The following PCNX4 variants were observed in gnomAD, a reference collection of about 807,000 sequenced individuals.
The protein encoded by PCNX4 is pecanex-like protein 4.
Under a neutral mutation model 107.2 loss-of-function variants are expected in PCNX4, and 103 were observed. The observed-to-expected ratio is 0.96, with a 90% confidence interval of 0.82 to 1.13. The LOEUF (loss-of-function observed/expected upper bound fraction) is 1.13, where lower values mean the gene tolerates loss of function less well. PCNX4 is among the 50% of genes most tolerant of loss of function. The probability of loss-of-function intolerance (pLI) is 0.00; values close to 1 mark genes in which losing one functional copy is unlikely to be tolerated. For synonymous variants in PCNX4, 541 were observed against 481.7 expected (o/e 1.12, Z -1.61); for missense variants, 1,528 against 1,379.4 (o/e 1.11, Z -1.71).
Position 60,115,068 on chromosome 14 carries a change from G to T in PCNX4, c.964G>T (p.Gly322Cys). ...TGTGGTTCTTTTCATGACTGGATTT[G>T]GTTTCTTGCTGAGTCTGAACTTAAG... is the stretch of plus-strand genomic sequence containing the variant. ...VGVVLFMTGF[G>C]FLLSLNLSDM... Residue 322 changes from glycine to cysteine, a missense_variant, in exon 4 of 11, where the codon GGT (glycine) becomes TGT (cysteine). Transcript: ENST00000406854. The T allele has an allele frequency of 6.2e-7, 1 of 1,613,446 alleles. No individual in the cohort carries two copies. The highest frequency in any genetic ancestry group is 8.5e-7 in the Non-Finnish European group (1 of 1,179,794).
In PCNX4 at chr14:60,125,059, A is replaced by G. The variant is rs1252490443; in HGVS notation, c.2888A>G (p.Lys963Arg). 1 of 1,613,642 alleles carries G rather than the reference A, an allele frequency of 6.2e-7. No individual in the cohort carries two copies. ...TCAAATGTACTGGAAGAAATTGCCA[A>G]GGACAAAGTTTTAAAAGACTTTTAT... is the stretch of plus-strand genomic sequence containing the variant. The part of the protein sequence containing the change: ...KASNVLEEIA[K>R]DKVLKDFYVH... Residue 963 changes from lysine to arginine, a missense_variant, in exon 9 of 11, where the codon AAG becomes AGG. Coordinates refer to ENST00000406854, the MANE Select transcript of PCNX4 (RefSeq NM_001330177.2).
chr14:60,139,630 C>T lies in PCNX4; in HGVS notation c.*5409C>T, dbSNP rs936974260. On this transcript the variant is annotated 3_prime_UTR_variant, in exon 11 of 11. Transcript: ENST00000406854. ...AATTGGCATATATGAAACAGAATACCCAACAACTGCAAAATACACATTATT... is the reference window on the plus strand; with the variant it reads ...AATTGGCATATATGAAACAGAATACTCAACAACTGCAAAATACACATTATT... The T allele has an allele frequency of 6.6e-6, 1 of 151,744 alleles. No individual in the cohort carries two copies. Among genetic ancestry groups the T allele is most frequent in the African/African-American group, 2.4e-5 (1 of 41,302 alleles). 9.4% of individuals were successfully genotyped at this position (151,744 alleles called of 1,614,324 possible). A position where few individuals can be genotyped will look rare whatever the true frequency, so the allele number is the denominator to read the frequency against.
intron 8 of PCNX4, among the ~76,000 whole-genome samples, chr14:60,121,809 A>G (rs765388865): frequency 1.3e-5 from 2 of 152,096 alleles, no homozygotes; most frequent in Non-Finnish European, 2.9e-5. Flanking sequence ...GCTCTTGTCA[A>G]GGTCTCTAGT....
chr14:60,124,248 A>G lies in PCNX4; in HGVS notation c.2077A>G (p.Thr693Ala). 1 of 1,597,750 alleles carries G rather than the reference A, an allele frequency of 6.3e-7. No homozygotes were observed. Among genetic ancestry groups the G allele is most frequent in the Non-Finnish European group, 8.5e-7 (1 of 1,171,586 alleles). ...AGAATTGCAGGAAACATCCTGTCAT[A>G]CTGCAGAAGCTCGCAGAGTTGATGA... ...GLELQETSCHTAEARRVDEVF... is the reference protein window; with the variant it reads ...GLELQETSCHAAEARRVDEVF... The change falls in exon 9 of 11, where the codon ACT (threonine) becomes GCT (alanine). Residue 693 changes from threonine to alanine, a missense_variant. Transcript: ENST00000406854.
At chr14:60,107,271 C>T (rs1895646476) in intron 1 of PCNX4, among the ~76,000 whole-genome samples, 1 of 152,094 alleles carries the variant, frequency 6.6e-6, no homozygotes, top group Admixed American at 6.5e-5. Context: ...GTCCCAGCTA[C>T]TCAGGAGGCT....
intron 6 of PCNX4, among the ~76,000 whole-genome samples, chr14:60,116,922 A>G (rs1445378550): frequency 6.6e-6 from 1 of 152,172 alleles, no homozygotes; most frequent in Non-Finnish European, 1.5e-5. Context: ...TTGACAAAAA[A>G]GTTTTAAAAG....
At chr14:60,128,223 A>T (rs1483592691) in intron 10 of PCNX4, among the ~76,000 whole-genome samples, 1 of 152,222 alleles carries the variant, frequency 6.6e-6, no homozygotes, top group African/African-American at 2.4e-5. Flanking sequence ...GTAAAACATT[A>T]ATCCACACAT....
chr14:60,125,805 G>A lies in PCNX4; in HGVS notation c.3249G>A (p.Leu1083=). The change falls in exon 10 of 11, where the codon CTG becomes CTA. Residue 1083 remains leucine, a synonymous_variant. Coordinates refer to ENST00000406854, the MANE Select transcript of PCNX4 (RefSeq NM_001330177.2). ...AAGAAAAGCCATACTTGTTTTCTCT[G>A]GGGTATGATTCTAATATGGTAAGGT... ...ILQEKPYLFS[L]GYDSNMGIYT... 1 of 1,607,050 alleles carries A rather than the reference G, an allele frequency of 6.2e-7. No homozygotes were observed. Among genetic ancestry groups the A allele is most frequent in the Non-Finnish European group, 8.5e-7 (1 of 1,177,228 alleles).
chr14:60,114,965 T>TC lies in PCNX4; in HGVS notation c.870-8dup, dbSNP rs1895815341. On this transcript the variant is annotated splice_polypyrimidine_tract_variant and intron_variant, in intron 3 of 10. Transcript: ENST00000406854. ...AGTAAATATTTTTTTCTTTTTTTTT[T>TC]CTGTACAGGTTATTAGTAATGTTCA... is the stretch of plus-strand genomic sequence containing the variant. The TC allele has an allele frequency of 1.4e-6, 2 of 1,432,044 alleles. No individual in the cohort carries two copies. Among genetic ancestry groups the TC allele is most frequent in the African/African-American group, 2.9e-5 (2 of 68,430 alleles). 88.7% of individuals were successfully genotyped at this position (1,432,044 alleles called of 1,614,324 possible). A position where few individuals can be genotyped will look rare whatever the true frequency, so the allele number is the denominator to read the frequency against.
At chr14:60,125,334 T>A (rs1401647303) in intron 9 of PCNX4, 83 bp downstream of exon 9, 1 of 1,312,124 alleles carries the variant, frequency 7.6e-7, no homozygotes, top group Admixed American at 3.4e-5. Flanking sequence ...AAGACAGTTA[T>A]TCGTTTCTAG....
At position 60,137,312 on chromosome 14, in the gene PCNX4, C is replaced by G. The variant is rs1239057441; in HGVS notation, c.*3091C>G. 1 of 152,066 alleles carries G rather than the reference C, an allele frequency of 6.6e-6. No homozygotes were observed. Among genetic ancestry groups the G allele is most frequent in the African/African-American group, 2.4e-5 (1 of 41,388 alleles). 9.4% of individuals were successfully genotyped at this position (152,066 alleles called of 1,614,324 possible). Reference sequence around the variant, plus strand: ...ACAAAAACTGGAGACCAAGACTCTCCAAGGAAGTAGGGGAGGGGAAAGGAA... The same window carrying G: ...ACAAAAACTGGAGACCAAGACTCTCGAAGGAAGTAGGGGAGGGGAAAGGAA... On this transcript the variant is annotated 3_prime_UTR_variant, in exon 11 of 11. Coordinates refer to ENST00000406854, the MANE Select transcript of PCNX4 (RefSeq NM_001330177.2).
chr14:60,111,837 C>G (rs569211687), intron 2 of PCNX4, among the ~76,000 whole-genome samples: 1 of 152,018 alleles, frequency 6.6e-6, no homozygotes, highest in South Asian at 2.1e-4. Context: ...CAAAGCCAGT[C>G]CCCACATCTA....
In PCNX4 at chr14:60,121,188, TG is replaced by T; in HGVS notation, c.1943-7del. The T allele has an allele frequency of 1.3e-6, 2 of 1,559,990 alleles. No individual in the cohort carries two copies. The highest frequency in any genetic ancestry group is 4.5e-5 in the East Asian group (2 of 44,238). On this transcript the variant is annotated splice_region_variant and splice_polypyrimidine_tract_variant and intron_variant, in intron 7 of 10. Transcript: ENST00000406854. ...TTTTTTTTTTTTTTTTTTTCTAATT[TG>T]TTGTAGGTCTCCTCCTACCTGGATC...
At position 60,145,176 on chromosome 14, in the gene PCNX4, C is replaced by A; in HGVS notation, c.*10955C>A. 3 of 507,798 alleles carry A rather than the reference C, an allele frequency of 5.9e-6. No homozygotes were observed. The highest frequency in any genetic ancestry group is 4.4e-5 in the South Asian group (1 of 22,828). 31.5% of individuals were successfully genotyped at this position (507,798 alleles called of 1,614,324 possible). Reference sequence around the variant, plus strand: ...TTAAATTAGAATTTAAAAATCATAGCCAAAATTCTAGATGTACACAAAAGT... The same window carrying A: ...TTAAATTAGAATTTAAAAATCATAGACAAAATTCTAGATGTACACAAAAGT... On this transcript the variant is annotated 3_prime_UTR_variant, in exon 11 of 11. Coordinates refer to ENST00000406854, the MANE Select transcript of PCNX4 (RefSeq NM_001330177.2). The surrounding 1 kb of genome is among the most constrained non-coding windows in gnomAD (Gnocchi z 4.0).
At chr14:60,104,338 A>G (rs2140534865) in intron 1 of PCNX4, among the ~76,000 whole-genome samples, 1 of 151,324 alleles carries the variant, frequency 6.6e-6, no homozygotes, top group East Asian at 1.9e-4. Flanking sequence ...AAAAAAAAAA[A>G]AAAAAAAAAG....
chr14:60,122,567 C>T (rs1895975838), intron 8 of PCNX4, among the ~76,000 whole-genome samples: 1 of 151,962 alleles, frequency 6.6e-6, no homozygotes, highest in Non-Finnish European at 1.5e-5. Flanking sequence ...CCACTCTTAT[C>T]CCAGCACTCC....
chr14:60,125,133 A>G lies in PCNX4; in HGVS notation c.2962A>G (p.Met988Val), dbSNP rs143587940. The change falls in exon 9 of 11, where the codon ATG becomes GTG. Residue 988 changes from methionine to valine, a missense_variant. By Grantham distance (21) the Met-to-Val change is conservative (BLOSUM62 1). Coordinates refer to ENST00000406854, the MANE Select transcript of PCNX4 (RefSeq NM_001330177.2). ...TTTTAGTTTATTTGGAATAGACAAT[A>G]TGGCTCCTAGTCCTGGTCATATATT... ...CYFSLFGIDN[M>V]APSPGHILRV... is the part of the protein sequence containing the mutation. 7 of 1,612,938 alleles carry G rather than the reference A, an allele frequency of 4.3e-6. No individual in the cohort carries two copies. The highest frequency in any genetic ancestry group is 1.3e-5 in the African/African-American group (1 of 74,902).
chr14:60,106,112 G>A (rs1895623560), intron 1 of PCNX4, among the ~76,000 whole-genome samples: 1 of 152,182 alleles, frequency 6.6e-6, no homozygotes, highest in African/African-American at 2.4e-5. Flanking sequence ...CATTCCCTGA[G>A]ATTGACCTGT....
At position 60,141,499 on chromosome 14, in the gene PCNX4, G is replaced by A. The variant is rs183631874; in HGVS notation, c.*7278G>A. The stretch of plus-strand genomic sequence containing the variant: ...ATAATGAGGAAATACTGTAACTTTC[G>A]GCTTATACACATGACAACTTAGAAG... On this transcript the variant is annotated 3_prime_UTR_variant, in exon 11 of 11. Coordinates refer to ENST00000406854, the MANE Select transcript of PCNX4 (RefSeq NM_001330177.2). 3 of 152,152 alleles carry A rather than the reference G, an allele frequency of 2.0e-5. No individual in the cohort carries two copies. The highest frequency in any genetic ancestry group is 2.1e-4 in the South Asian group (1 of 4,818). The allele number at this position is 152,152 out of a possible 1,614,324, so 9.4% of individuals were successfully genotyped here. A position where few individuals can be genotyped will look rare whatever the true frequency, so the allele number is the denominator to read the frequency against.
Sources: gnomAD v4.1 joint callset for allele counts (sites outside exome capture counted in the v4.1 genomes callset) on GRCh38, gnomAD v4.1.1 for gene constraint, Gnocchi (gnomAD v3.1) non-coding constraint, MANE v1.5 for transcripts, NCBI Gene and HGNC (gene_info 2026-07-23, HGNC 2026-07-21) for gene names.